The following POTEF variants were observed in gnomAD, a reference collection of about 807,000 sequenced individuals.
POTEF encodes POTE ankyrin domain family member F, also known as ANKRD26-like family C member 1B.
Under a neutral mutation model 83.2 loss-of-function variants are expected in POTEF, and 20 were observed. The ratio of observed to expected loss-of-function variants is 0.24; its 90% CI spans 0.17 to 0.35. POTEF has a LOEUF of 0.35. Ranked by LOEUF, POTEF falls within the 10% of genes least tolerant of loss-of-function variation. The probability of loss-of-function intolerance (pLI) is 1.00; values close to 1 mark genes in which losing one functional copy is unlikely to be tolerated. For synonymous variants in POTEF, 196 were observed against 446.4 expected, an observed-to-expected ratio of 0.44 and a Z score of 7.07; for missense variants, 550 against 1,203.2, an observed-to-expected ratio of 0.46 and a Z score of 8.03.
Position 130,120,351 on chromosome 2 carries a change from C to T in POTEF, c.165G>A (p.Lys55=), listed in dbSNP as rs755471129. Residue 55 remains lysine, a synonymous_variant, in exon 3 of 17, where the codon AAG becomes AAA. Coordinates refer to ENST00000409914, the MANE Select transcript of POTEF (RefSeq NM_001099771.2). ...ACTTGCCCATCTTGCTCCTGAGTGT[C>T]TTCATAGCAGAGTCGTCGTGGTCTC... ...TSGDHDDSAM[K]TLRSKMGKWC... 1.9e-5 allele frequency: 30 copies of T among 1,600,090 alleles called. No homozygotes were observed. Among genetic ancestry groups the T allele is most frequent in the Admixed American group, 1.0e-4 (6 of 59,560 alleles).
chr2:130,127,742 A>AGC lies in POTEF; in HGVS notation c.-128_-127insGC, dbSNP rs1304682838. On this transcript the variant is annotated 5_prime_UTR_variant, in exon 2 of 17. It removes an upstream start codon present in the reference 5' UTR. Coordinates refer to ENST00000409914, the MANE Select transcript of POTEF (RefSeq NM_001099771.2). ...TCGAGCTGCAGTCTCCGTGGCTGCC[A>AGC]TCAGTCACACGAGGCGAGCTGCAGA... The AGC allele has an allele frequency of 6.6e-6, 1 of 151,746 alleles. No individual in the cohort carries two copies. The highest frequency in any genetic ancestry group is 1.5e-5 in the Non-Finnish European group (1 of 67,826). The allele number at this position is 151,746 out of a possible 1,614,324, so 9.4% of individuals were successfully genotyped here.
At chr2:130,126,281 C>T (rs1264947150) in intron 2 of POTEF, among the ~76,000 whole-genome samples, 1 of 93,146 alleles carries the variant, frequency 1.1e-5, no homozygotes, top group African/African-American at 4.5e-5. Context: ...CCAGCCTGGG[C>T]AACAAGAGCA....
Position 130,103,767 on chromosome 2 carries a change from G to A in POTEF, c.1127-1587C>T, listed in dbSNP as rs565545013. On this transcript the variant is annotated intron_variant, in intron 8 of 16. Coordinates refer to ENST00000409914, the MANE Select transcript of POTEF (RefSeq NM_001099771.2). ...TATTGAGACTAGCCAGATTAAAAGG[G>A]GTAGAGGGCAGGAAAGGGTGACGGC... Among the ~76,000 whole-genome samples, 189 of 145,480 alleles carry A rather than the reference G, an allele frequency of 1.3e-3. 8 individuals are homozygous for A. The East Asian group carries it at 0.034, about 26-fold the overall frequency.
intron 11 of POTEF, among the ~76,000 whole-genome samples, chr2:130,094,908 T>C (rs1684204817): frequency 1.4e-5 from 2 of 146,158 alleles, no homozygotes; most frequent in Non-Finnish European, 3.0e-5. Flanking sequence ...AATATTGGGC[T>C]TTTCTCCCTA....
chr2:130,122,301 T>C lies in POTEF; in HGVS notation c.-93-1693A>G, dbSNP rs1024114317. Among the ~76,000 whole-genome samples the C allele has an allele frequency of 2.7e-4, 41 of 150,678 alleles. 1 individual carries two copies. The highest frequency in any genetic ancestry group is 8.8e-4 in the African/African-American group (36 of 40,698). ...TGTAAGGCATTTGTTTTAATTTATT[T>C]TTGGTGTATACATAGGAGTGAATTT... On this transcript the variant is annotated intron_variant, in intron 2 of 16. Coordinates refer to ENST00000409914, the MANE Select transcript of POTEF (RefSeq NM_001099771.2).
intron 9 of POTEF, among the ~76,000 whole-genome samples, chr2:130,101,790 C>T (rs1684380657): frequency 8.1e-6 from 1 of 123,376 alleles, no homozygotes; most frequent in Non-Finnish European, 1.7e-5. Flanking sequence ...GCCTCTATTC[C>T]AAAAGGAAAG....
intron 2 of POTEF, among the ~76,000 whole-genome samples, chr2:130,127,216 T>A (rs1228650594): frequency 1.3e-5 from 2 of 149,286 alleles, no homozygotes; most frequent in Non-Finnish European, 3.0e-5. Context: ...TCCCAGCTAC[T>A]AGGGAGGCTG....
chr2:130,110,567 T>C lies in POTEF; in HGVS notation c.1031A>G (p.Tyr344Cys). Reference protein sequence around the residue: ...QDLSGQTAREYAVSSHHHVIC... With the variant: ...QDLSGQTARECAVSSHHHVIC... ...CACATGATGATGACTAGAAACAGCATACTCTCTGGCCGTCTGTCCAGATAG... is the reference window on the plus strand; with the variant it reads ...CACATGATGATGACTAGAAACAGCACACTCTCTGGCCGTCTGTCCAGATAG... The change falls in exon 7 of 17, where the codon TAT becomes TGT. Residue 344 changes from tyrosine to cysteine, a missense_variant. Coordinates refer to ENST00000409914, the MANE Select transcript of POTEF (RefSeq NM_001099771.2). 2.0e-6 allele frequency: 3 copies of C among 1,516,686 alleles called. No individual in the cohort carries two copies. Among genetic ancestry groups the C allele is most frequent in the Non-Finnish European group, 2.6e-6 (3 of 1,136,746 alleles). 94.0% of individuals were successfully genotyped at this position (1,516,686 alleles called of 1,614,324 possible). A position where few individuals can be genotyped will look rare whatever the true frequency, so the allele number is the denominator to read the frequency against.
At chr2:130,109,584 A>G (rs1016627073) in intron 7 of POTEF, 3 of 151,446 alleles carry the variant, frequency 2.0e-5, no homozygotes, top group Non-Finnish European at 4.4e-5. Context: ...AAGGTTCTAT[A>G]CAGGATATAA....
chr2:130,101,433 G>C (rs909569750), intron 9 of POTEF, among the ~76,000 whole-genome samples: 2 of 148,022 alleles, frequency 1.4e-5, no homozygotes, highest in South Asian at 2.1e-4. Flanking sequence ...TATTGTGTTT[G>C]TGCACTAACA....
chr2:130,123,534 T>C (rs1329082973), intron 2 of POTEF, among the ~76,000 whole-genome samples: 1 of 151,984 alleles, frequency 6.6e-6, no homozygotes, highest in Non-Finnish European at 1.5e-5. Flanking sequence ...TATGATGTAG[T>C]GTATAAAAAT....
chr2:130,110,165 T>C (rs1455710081), intron 7 of POTEF, among the ~76,000 whole-genome samples: 3 of 151,516 alleles, frequency 2.0e-5, no homozygotes, highest in Admixed American at 1.3e-4. Context: ...ATGTAGGACA[T>C]AGTCCCCAGA....
chr2:130,110,470 T>G lies in POTEF; in HGVS notation c.1055+73A>C, dbSNP rs553997340. ...CCAAACTATGACATCTCACCTGATA[T>G]GTGAGATGCAACTGTTATAATTATT... is the stretch of plus-strand genomic sequence containing the variant. On this transcript the variant is annotated intron_variant, in intron 7 of 16. Transcript: ENST00000409914. 9.1e-6 allele frequency: 13 copies of G among 1,432,472 alleles called. No homozygotes were observed. The Admixed American group carries it at 1.3e-4, about 14-fold the overall frequency. 88.7% of individuals were successfully genotyped at this position (1,432,472 alleles called of 1,614,324 possible). A position where few individuals can be genotyped will look rare whatever the true frequency, so the allele number is the denominator to read the frequency against.
At chr2:130,085,379 C>CA (rs1206876392) in intron 15 of POTEF, among the ~76,000 whole-genome samples, 9 of 148,052 alleles carry the variant, frequency 6.1e-5, no homozygotes, top group Non-Finnish European at 1.5e-5. Flanking sequence ...CTCATGGACA[C>CA]AAAGAGGAGA....
intron 5 of POTEF, among the ~76,000 whole-genome samples, chr2:130,113,985 C>T (rs1684778025): frequency 6.6e-6 from 1 of 152,054 alleles, no homozygotes; most frequent in South Asian, 2.1e-4. Flanking sequence ...GATCTTGTTA[C>T]TTGTTTATCT....
intron 7 of POTEF, among the ~76,000 whole-genome samples, chr2:130,110,270 T>C (rs957707884): frequency 2.0e-5 from 3 of 150,552 alleles, no homozygotes; most frequent in African/African-American, 7.4e-5. Flanking sequence ...TATCCCTGCA[T>C]AGGTGTTACA....
chr2:130,109,871 G>A (rs950237225), intron 7 of POTEF: 15 of 151,684 alleles, frequency 9.9e-5, no homozygotes, highest in African/African-American at 3.2e-4. Flanking sequence ...CCAGAGCAGG[G>A]GGCTGGTGCT....
At chr2:130,084,595 CTA>C (rs1683969603) in intron 15 of POTEF, among the ~76,000 whole-genome samples, 1 of 1,314 alleles carries the variant, frequency 7.6e-4, no homozygotes, top group African/African-American at 3.3e-3. Context: ...TCCACAAAGC[CTA>C]AAATATTTAC....
At chr2:130,119,645 G>A (rs897170718) in intron 3 of POTEF, among the ~76,000 whole-genome samples, 106 of 151,806 alleles carry the variant, frequency 7.0e-4, no homozygotes, top group Middle Eastern at 3.4e-3. Context: ...ATGGGGCTTC[G>A]TTCTTAGTTC....
Sources: allele counts gnomAD v4.1 joint callset (sites outside exome capture counted in the v4.1 genomes callset), GRCh38; gene constraint gnomAD v4.1.1; transcripts MANE v1.5; gene names NCBI Gene and HGNC (gene_info 2026-07-23, HGNC 2026-07-21).